Variants in GRM5 observed in about 807,000 individuals in gnomAD.
GRM5 encodes glutamate metabotropic receptor 5.
A neutral mutation model predicts 83.1 loss-of-function variants in GRM5; 19 were observed. The observed-to-expected ratio is 0.23, with a 90% CI of 0.16 to 0.34. The LOEUF (loss-of-function observed/expected upper bound fraction) is 0.34. GRM5 is among the 10% of genes least tolerant of loss of function. GRM5 has a pLI of 1.00. For synonymous variants in GRM5, 675 were observed against 633.6 expected, an observed-to-expected ratio of 1.07 and a Z score of -0.98; for missense variants, 1,160 against 1,588.3, an observed-to-expected ratio of 0.73 and a Z score of 4.58.
At chr11:88,618,723 G>A (rs1189919201) in intron 4 of GRM5, among the ~76,000 whole-genome samples, 1 of 152,022 alleles carries the variant, frequency 6.6e-6, no homozygotes, top group African/African-American at 2.4e-5. Flanking sequence ...ATAATAAAAT[G>A]GTTCGTTTTA....
At chr11:88,927,822 T>C (rs1441000692) in intron 2 of GRM5, among the ~76,000 whole-genome samples, 1 of 152,142 alleles carries the variant, frequency 6.6e-6, no homozygotes, top group Non-Finnish European at 1.5e-5. Flanking sequence ...CTTAAAAATA[T>C]TTTTTAGGAC....
chr11:88,612,416 C>T (rs1243897645), intron 4 of GRM5, among the ~76,000 whole-genome samples: 3 of 151,392 alleles, frequency 2.0e-5, no homozygotes, highest in African/African-American at 7.3e-5. Flanking sequence ...TGAATAATGC[C>T]GCAATAAACA....
intron 2 of GRM5, among the ~76,000 whole-genome samples, chr11:88,920,768 T>C (rs1945676883): frequency 6.6e-6 from 1 of 152,174 alleles, no homozygotes; most frequent in Admixed American, 6.5e-5. Context: ...CCATGCCAGT[T>C]TGTTACACAG....
chr11:88,534,081 T>C (rs1942078997), intron 8 of GRM5, among the ~76,000 whole-genome samples: 2 of 152,214 alleles, frequency 1.3e-5, no homozygotes, highest in Admixed American at 1.3e-4. Context: ...TGAAAATGTC[T>C]GACGTCCAGG....
At chr11:88,912,424 A>G (rs952333452) in intron 2 of GRM5, among the ~76,000 whole-genome samples, 2 of 151,092 alleles carry the variant, frequency 1.3e-5, no homozygotes, top group Admixed American at 6.6e-5. Context: ...GTGCACAGGT[A>G]AAGGCTTGCA....
intron 9 of GRM5, among the ~76,000 whole-genome samples, chr11:88,514,807 T>A (rs1941478598): frequency 6.6e-6 from 1 of 152,150 alleles, no homozygotes; most frequent in Non-Finnish European, 1.5e-5. Flanking sequence ...CTTGGGGATG[T>A]TAAAATAGCA....
chr11:88,957,340 A>G (rs544493695), intron 2 of GRM5, among the ~76,000 whole-genome samples: 11 of 152,364 alleles, frequency 7.2e-5, no homozygotes, highest in African/African-American at 2.6e-4. Context: ...ATAAACATTC[A>G]GAAGAGGAGG....
chr11:88,855,615 A>C (rs1944461371), intron 2 of GRM5, among the ~76,000 whole-genome samples: 1 of 151,944 alleles, frequency 6.6e-6, no homozygotes, highest in African/African-American at 2.4e-5. Context: ...ATAAACAACG[A>C]TGCTGAATTT....
chr11:88,911,249 CT>C lies in GRM5; in HGVS notation c.662-61095del, dbSNP rs376724565. The stretch of plus-strand genomic sequence containing the variant: ...GATAACTAGTTGGAGTCTCTGGGCA[CT>C]CATAAGAGAACAGATTCATTTTTAA... On this transcript the variant is annotated intron_variant, in intron 2 of 9. Transcript: ENST00000305447. Among the ~76,000 whole-genome samples, 73 of 152,220 alleles carry C rather than the reference CT, an allele frequency of 4.8e-4. 4 individuals carry two copies. In the South Asian group the frequency reaches 0.015, roughly 32 times the overall value.
chr11:88,843,490 T>A (rs1944242166), intron 3 of GRM5, among the ~76,000 whole-genome samples: 1 of 152,148 alleles, frequency 6.6e-6, no homozygotes, highest in South Asian at 2.1e-4. Context: ...GAGGGTGGTA[T>A]GTTCTGATTG....
chr11:88,788,769 GA>G (rs1943119143), intron 3 of GRM5, among the ~76,000 whole-genome samples: 1 of 152,148 alleles, frequency 6.6e-6, no homozygotes, highest in African/African-American at 2.4e-5. Context: ...AGGGAAACTA[GA>G]AAGGGGGCTA....
chr11:89,013,860 C>T (rs1940775375), intron 2 of GRM5, among the ~76,000 whole-genome samples: 1 of 152,136 alleles, frequency 6.6e-6, no homozygotes, highest in Non-Finnish European at 1.5e-5. Flanking sequence ...TTTGAGCATG[C>T]ACCTTGCTCA....
At chr11:88,583,734 A>T (rs1943258911) in intron 7 of GRM5, among the ~76,000 whole-genome samples, 1 of 152,208 alleles carries the variant, frequency 6.6e-6, no homozygotes, top group Admixed American at 6.5e-5. Context: ...TTTCTAGGAC[A>T]GTTTTTGCAG....
intron 9 of GRM5, among the ~76,000 whole-genome samples, chr11:88,510,914 C>T (rs919507437): frequency 6.6e-5 from 10 of 152,208 alleles, no homozygotes; most frequent in African/African-American, 2.4e-4. Context: ...CAAGACAGCT[C>T]TGTTCTAGGG....
At chr11:88,756,161 T>C (rs1299146258) in intron 3 of GRM5, among the ~76,000 whole-genome samples, 1 of 152,200 alleles carries the variant, frequency 6.6e-6, no homozygotes, top group Non-Finnish European at 1.5e-5. Context: ...AGTCTGACTG[T>C]GTTTCGTGTT....
At chr11:88,695,856 C>T (rs543737882) in intron 3 of GRM5, among the ~76,000 whole-genome samples, 3 of 152,260 alleles carry the variant, frequency 2.0e-5, no homozygotes, top group Admixed American at 2.0e-4. Flanking sequence ...CATTTATGGG[C>T]TCCCACCCCA....
chr11:88,586,997 CTGG>C (rs1943328884), intron 7 of GRM5, among the ~76,000 whole-genome samples: 2 of 152,172 alleles, frequency 1.3e-5, no homozygotes. Flanking sequence ...CATCATTTTA[CTGG>C]AGGTTGACAC....
intron 2 of GRM5, among the ~76,000 whole-genome samples, chr11:88,930,185 G>A (rs926243650): frequency 5.9e-5 from 9 of 152,034 alleles, no homozygotes; most frequent in Admixed American, 2.6e-4. Flanking sequence ...GAAGAGAAAG[G>A]ATTGCTTGAG....
intron 2 of GRM5, among the ~76,000 whole-genome samples, chr11:89,039,085 G>A (rs1941463697): frequency 6.6e-6 from 1 of 151,934 alleles, no homozygotes; most frequent in Non-Finnish European, 1.5e-5. Flanking sequence ...CTAACATGGT[G>A]AAACCCCCTC....
Sources: gnomAD v4.1 joint callset for allele counts (sites outside exome capture counted in the v4.1 genomes callset) on GRCh38, gnomAD v4.1.1 for gene constraint, MANE v1.5 for transcripts, NCBI Gene and HGNC (gene_info 2026-07-23, HGNC 2026-07-21) for gene names.